Variants in OSMR observed in about 807,000 individuals in gnomAD.
The protein encoded by OSMR is oncostatin M receptor, also known as oncostatin-M-specific receptor subunit beta.
OSMR carries 81 observed loss-of-function variants against 99.9 expected under a neutral mutation model. That is an observed-to-expected ratio of 0.81 (90% CI 0.68 to 0.97). The LOEUF (loss-of-function observed/expected upper bound fraction) is 0.97, where lower values mean the gene tolerates loss of function less well. Among genes scored for constraint, OSMR ranks in the 50% least tolerant of loss-of-function variants. OSMR has a pLI of 0.00. For synonymous variants in OSMR, 406 were observed against 410.4 expected (o/e 0.99, Z 0.13); for missense variants, 1,099 against 1,153.4 (o/e 0.95, Z 0.68).
chr5:38,942,084 G>T (rs138291275), intron 1 of OSMR: 9,426 of 383,488 alleles, frequency 0.025, 170 homozygotes, highest in Middle Eastern at 0.031. Context: ...CTGTGGTAAT[G>T]AATCATGAAC....
In OSMR at chr5:38,858,273, G is replaced by C. The variant is rs368364058; in HGVS notation, c.-13-10759G>C. Among the ~76,000 whole-genome samples the C allele has an allele frequency of 3.2e-4, 48 of 150,726 alleles. 1 individual carries two copies. Among genetic ancestry groups the C allele is most frequent in the African/African-American group, 1.1e-3 (47 of 40,926 alleles). ...ACTGCCCCCTTCCTAACCCTTTTCA[G>C]CCTCAGGTAACCATCATTCTATCTT... On this transcript the variant is annotated intron_variant, in intron 1 of 17. Transcript: ENST00000274276.
At chr5:38,910,341 G>A (rs1745491876) in intron 9 of OSMR, among the ~76,000 whole-genome samples, 1 of 152,094 alleles carries the variant, frequency 6.6e-6, no homozygotes, top group African/African-American at 2.4e-5. Context: ...AACAAAGATA[G>A]TAAGGACCTC....
chr5:38,888,919 T>G (rs930067911), intron 7 of OSMR, among the ~76,000 whole-genome samples: 2 of 152,214 alleles, frequency 1.3e-5, no homozygotes, highest in African/African-American at 4.8e-5. Flanking sequence ...TCGTTGTATT[T>G]AATGGTCAGT....
At position 38,931,637 on chromosome 5, in the gene OSMR, C is replaced by T. The variant is rs181429775; in HGVS notation, c.2213-246C>T. On this transcript the variant is annotated intron_variant, in intron 15 of 17. Coordinates refer to ENST00000274276, the MANE Select transcript of OSMR (RefSeq NM_003999.3). ...TACAGCAAGTCATGATCCAATCTAT[C>T]AGAAGAGATAGATAGTAACAAATTT... 493 of 223,198 alleles carry T rather than the reference C, an allele frequency of 2.2e-3. 6 individuals carry two copies. The highest frequency in any genetic ancestry group is 0.011 in the African/African-American group (475 of 42,800). The allele number at this position is 223,198 out of a possible 1,614,324, so 13.8% of individuals were successfully genotyped here.
intron 1 of OSMR, among the ~76,000 whole-genome samples, chr5:38,857,755 C>T (rs1740969071): frequency 6.6e-6 from 1 of 151,980 alleles, no homozygotes; most frequent in South Asian, 2.1e-4. Flanking sequence ...GTAATCGCCG[C>T]CTCCTAGGTT....
intron 1 of OSMR, among the ~76,000 whole-genome samples, chr5:38,867,634 G>A (rs1166813484): frequency 6.6e-6 from 1 of 152,192 alleles, no homozygotes; most frequent in Non-Finnish European, 1.5e-5. Context: ...TTTTCCCGTG[G>A]TCAAAGTACC....
chr5:38,870,266 T>C (rs1330045272), intron 2 of OSMR, among the ~76,000 whole-genome samples: 1 of 152,178 alleles, frequency 6.6e-6, no homozygotes, highest in African/African-American at 2.4e-5. Context: ...TCTGTCTTAC[T>C]TGCTAAAATC....
rs1745978622 is a variant in OSMR, at chr5:38,917,560, C to T, written c.1300C>T (p.Pro434Ser). The change falls in exon 10 of 18, where the codon CCT becomes TCT. Residue 434 changes from proline (P) to serine (S), a missense_variant. By Grantham distance (74) the Pro-to-Ser change is moderately conservative. Transcript: ENST00000274276. The stretch of plus-strand genomic sequence containing the variant: ...GTTAATTTCAGCTCCCTCAGAGGCC[C>T]CTGATGTCTGGAGAATTGTGAGCTT... ...TTLEAAPSEA[P>S]DVWRIVSLEP... 2 of 1,613,480 alleles carry T rather than the reference C, an allele frequency of 1.2e-6. No individual in the cohort carries two copies. The highest frequency in any genetic ancestry group is 1.6e-4 in the Middle Eastern group (1 of 6,078).
intron 1 of OSMR, among the ~76,000 whole-genome samples, chr5:38,863,382 C>T (rs1325597720): frequency 6.6e-6 from 1 of 151,620 alleles, no homozygotes; most frequent in Non-Finnish European, 1.5e-5. Flanking sequence ...TACAAAAATA[C>T]AAAAATTAGC....
At chr5:38,888,218 G>A (rs1743920641) in intron 7 of OSMR, among the ~76,000 whole-genome samples, 1 of 152,116 alleles carries the variant, frequency 6.6e-6, no homozygotes, top group African/African-American at 2.4e-5. Flanking sequence ...CATAGCACAG[G>A]GAAAAACTGG....
At chr5:38,941,063 C>T (rs1239991468) in intron 1 of OSMR, 1 of 232,666 alleles carries the variant, frequency 4.3e-6, no homozygotes, top group African/African-American at 2.2e-5. Flanking sequence ...TTTTTATATA[C>T]AAATTTGCAT....
At position 38,919,027 on chromosome 5, in the gene OSMR, CTTCTGT is replaced by C; in HGVS notation, c.1551_1556del (p.Ser518_Val519del). The C allele has an allele frequency of 6.2e-7, 1 of 1,613,966 alleles. No homozygotes were observed. Among genetic ancestry groups the C allele is most frequent in the Non-Finnish European group, 8.5e-7 (1 of 1,179,862 alleles). ...AACAACAGTGTGGGTGCTTCTCCTG[CTTCTGT>C]AATAGTCATCTCTGCAGACCCCGAA... On this transcript the variant is annotated inframe_deletion, in exon 11 of 18. Coordinates refer to ENST00000274276, the MANE Select transcript of OSMR (RefSeq NM_003999.3).
In OSMR at chr5:38,896,038, G is replaced by C. The variant is rs1744488767; in HGVS notation, c.992-7844G>C. ...TCTGTTTCTATGCCATTACCATGCTGTTTTGGTTACTATAGCTCTATAGTA... is the reference window on the plus strand; with the variant it reads ...TCTGTTTCTATGCCATTACCATGCTCTTTTGGTTACTATAGCTCTATAGTA... On this transcript the variant is annotated intron_variant, in intron 7 of 17. Transcript: ENST00000274276. 2.6e-5 allele frequency among the ~76,000 whole-genome samples: 4 copies of C among 152,192 alleles called. No homozygotes were observed. In the South Asian group the frequency reaches 8.3e-4, roughly 32 times the overall value.
At chr5:38,856,060 G>A (rs990461984) in intron 1 of OSMR, among the ~76,000 whole-genome samples, 7 of 152,058 alleles carry the variant, frequency 4.6e-5, no homozygotes, top group Non-Finnish European at 7.4e-5. Flanking sequence ...CCTCACCTCT[G>A]GGCTTTTCGT....
intron 2 of OSMR, 112 bp from the exon 3 acceptor site, chr5:38,876,089 T>C: frequency 6.7e-7 from 1 of 1,481,918 alleles, no homozygotes; most frequent in Non-Finnish European, 9.1e-7. Flanking sequence ...GATGCACATA[T>C]GAGCAATATT....
At chr5:38,856,789 G>A (rs149631791) in intron 1 of OSMR, among the ~76,000 whole-genome samples, 3 of 152,238 alleles carry the variant, frequency 2.0e-5, no homozygotes, top group Non-Finnish European at 2.9e-5. Context: ...CTAGGGGCAC[G>A]TGCCACCATG....
At chr5:38,940,153 A>AAAC (rs1554057795), downstream of OSMR, 8 of 228,896 alleles carry the variant, frequency 3.5e-5, no homozygotes, top group African/African-American at 1.3e-4. Flanking sequence ...CAAAAAAAAA[A>AAAC]ACACAAAACA....
intron 1 of OSMR, among the ~76,000 whole-genome samples, chr5:38,849,496 CTGAGT>C (rs1740187751): frequency 6.7e-6 from 1 of 150,176 alleles, no homozygotes. Context: ...CAATATTACT[CTGAGT>C]TAACTACTGT....
chr5:38,940,920 A>G (rs779875867), intron 1 of OSMR: 6 of 232,436 alleles, frequency 2.6e-5, no homozygotes, highest in Non-Finnish European at 4.3e-5. Flanking sequence ...TGTAATTGTA[A>G]TAAAAATGTT....
Sources: gnomAD v4.1 joint callset for allele counts (sites outside exome capture counted in the v4.1 genomes callset) on GRCh38, gnomAD v4.1.1 for gene constraint, MANE v1.5 for transcripts, NCBI Gene and HGNC (gene_info 2026-07-23, HGNC 2026-07-21) for gene names.